BANK1: variants seen among roughly 807,000 people sequenced by gnomAD.
BANK1 encodes the protein B-cell scaffold protein with ankyrin repeats.
BANK1 carries 95 observed loss-of-function variants against 94.5 expected under a neutral mutation model. The ratio of observed to expected loss-of-function variants is 1.00; its 90% CI spans 0.85 to 1.19. The LOEUF (loss-of-function observed/expected upper bound fraction) is 1.19, where lower values mean the gene tolerates loss of function less well. BANK1 is among the 50% of genes most tolerant of loss of function. The pLI is 0.00. For synonymous variants in BANK1, 334 were observed against 308.4 expected, an observed-to-expected ratio of 1.08 and a Z score of -0.87; for missense variants, 987 against 932.2, an observed-to-expected ratio of 1.06 and a Z score of -0.77.
At chr4:102,051,684 C>A (rs908200764) in intron 11 of BANK1, among the ~76,000 whole-genome samples, 2 of 152,070 alleles carry the variant, frequency 1.3e-5, no homozygotes, top group Non-Finnish European at 2.9e-5. Context: ...ACCTCCTGAC[C>A]CCAGCTACCT....
chr4:102,070,985 C>T (rs779530856), intron 13 of BANK1, among the ~76,000 whole-genome samples: 11 of 152,016 alleles, frequency 7.2e-5, no homozygotes, highest in African/African-American at 2.2e-4. Context: ...CTCAAGCTAG[C>T]GGAATATCAA....
At chr4:101,946,112 A>G (rs553494700) in intron 7 of BANK1, among the ~76,000 whole-genome samples, 20 of 152,128 alleles carry the variant, frequency 1.3e-4, no homozygotes, top group African/African-American at 4.3e-4. Flanking sequence ...CAATAATCAA[A>G]CAAATGATAA....
chr4:101,823,886 A>G (rs1409386124), intron 1 of BANK1, among the ~76,000 whole-genome samples: 2 of 152,264 alleles, frequency 1.3e-5, no homozygotes, highest in Non-Finnish European at 2.9e-5. Flanking sequence ...AAGTTAAATA[A>G]TGTATATGCA....
intron 5 of BANK1, among the ~76,000 whole-genome samples, chr4:101,894,900 A>G (rs558361958): frequency 1.3e-5 from 2 of 152,108 alleles, no homozygotes; most frequent in African/African-American, 4.8e-5. Flanking sequence ...GTTGAAGAAA[A>G]AGACTGATCA....
intron 4 of BANK1, among the ~76,000 whole-genome samples, chr4:101,867,744 A>G (rs1728129054): frequency 6.8e-6 from 1 of 147,768 alleles, no homozygotes; most frequent in Admixed American, 6.7e-5. Context: ...TAAAACTTAA[A>G]GTATAATTAA....
At chr4:101,834,377 G>T (rs1455086467) in intron 2 of BANK1, among the ~76,000 whole-genome samples, 1 of 152,132 alleles carries the variant, frequency 6.6e-6, no homozygotes, top group African/African-American at 2.4e-5. Flanking sequence ...TTGGAAAAGG[G>T]TGTTCAAATA....
chr4:101,798,974 CAT>C (rs1725256641), intron 1 of BANK1, among the ~76,000 whole-genome samples: 1 of 152,186 alleles, frequency 6.6e-6, no homozygotes, highest in Non-Finnish European at 1.5e-5. Flanking sequence ...AATTAGATCC[CAT>C]TTGTCAATTT....
chr4:101,790,852 G>T lies in BANK1; in HGVS notation c.-29G>T, dbSNP rs775340980. The T allele has an allele frequency of 3.3e-5, 51 of 1,535,070 alleles. No individual in the cohort carries two copies. The highest frequency in any genetic ancestry group is 3.8e-4 in the Middle Eastern group (2 of 5,308). The stretch of plus-strand genomic sequence containing the variant: ...CAGGTAGCGCTCGGCGGGCAGCAGT[G>T]CGCAGGCCCCTCGGCTTCAACCGCC... On this transcript the variant is annotated 5_prime_UTR_variant, in exon 1 of 17. Transcript: ENST00000322953.
At chr4:101,961,411 G>A (rs1267742622) in intron 7 of BANK1, among the ~76,000 whole-genome samples, 2 of 152,118 alleles carry the variant, frequency 1.3e-5, no homozygotes, top group East Asian at 1.9e-4. Flanking sequence ...CACATGAAGG[G>A]CCACTGGCAC....
intron 6 of BANK1, among the ~76,000 whole-genome samples, chr4:101,905,281 G>C (rs1405288431): frequency 6.6e-6 from 1 of 152,212 alleles, no homozygotes; most frequent in Admixed American, 6.5e-5. Context: ...TTTTGCGGGG[G>C]TTCCCCAGGC....
chr4:101,968,153 C>T (rs1724826761), intron 7 of BANK1, among the ~76,000 whole-genome samples: 1 of 151,946 alleles, frequency 6.6e-6, no homozygotes, highest in Admixed American at 6.6e-5. Context: ...GAGGGCGGGG[C>T]ATTAGTTACT....
At chr4:102,055,812 A>G (rs1446600740) in intron 11 of BANK1, among the ~76,000 whole-genome samples, 1 of 152,154 alleles carries the variant, frequency 6.6e-6, no homozygotes. Context: ...TCTTTCTATA[A>G]TAACTTATAC....
At chr4:101,904,797 C>T (rs1467044638) in intron 6 of BANK1, among the ~76,000 whole-genome samples, 1 of 152,174 alleles carries the variant, frequency 6.6e-6, no homozygotes, top group African/African-American at 2.4e-5. Context: ...AATATAACTA[C>T]TTTGATATAC....
intron 7 of BANK1, among the ~76,000 whole-genome samples, chr4:101,973,763 A>G (rs1323899137): frequency 6.6e-6 from 1 of 152,092 alleles, no homozygotes; most frequent in African/African-American, 2.4e-5. Flanking sequence ...ATAAATGGAA[A>G]CAAAAGTAAT....
At position 101,949,124 on chromosome 4, in the gene BANK1, G is replaced by A. The variant is rs531773364; in HGVS notation, c.1206+30935G>A. Among the ~76,000 whole-genome samples the A allele has an allele frequency of 6.6e-5, 10 of 151,950 alleles. 1 individual carries two copies. The highest frequency in any genetic ancestry group is 6.6e-4 in the Admixed American group (10 of 15,240). On this transcript the variant is annotated intron_variant, in intron 7 of 16. Transcript: ENST00000322953. ...GTCAGCTGGGATCTGGCTTGTTTAG[G>A]ATGGTTTCAAGATGACCCTAGGATG...
chr4:102,025,577 T>C lies in BANK1; in HGVS notation c.1594+68T>C, dbSNP rs987511588. 3.5e-6 allele frequency: 5 copies of C among 1,441,920 alleles called. No homozygotes were observed. In the African/African-American group the frequency reaches 7.0e-5, roughly 20 times the overall value. The allele number at this position is 1,441,920 out of a possible 1,614,324, so 89.3% of individuals were successfully genotyped here. A position where few individuals can be genotyped will look rare whatever the true frequency, so the allele number is the denominator to read the frequency against. On this transcript the variant is annotated intron_variant, in intron 9 of 16. Transcript: ENST00000322953. ...ATCTTTGACAGGCTTACATAGCAAA[T>C]AGTGCAGTGGCAAATCTATACAGAG...
At chr4:101,841,113 A>G (rs1456183125) in intron 2 of BANK1, among the ~76,000 whole-genome samples, 1 of 152,192 alleles carries the variant, frequency 6.6e-6, no homozygotes. Flanking sequence ...GTCATGAGCC[A>G]CCGTGCCCAG....
At chr4:102,051,146 A>T (rs1490438296) in intron 11 of BANK1, among the ~76,000 whole-genome samples, 3 of 152,200 alleles carry the variant, frequency 2.0e-5, no homozygotes. Flanking sequence ...GAAATGGGGA[A>T]GATATTACCC....
chr4:101,830,003 TG>T lies in BANK1; in HGVS notation c.267del (p.Arg91GlufsTer3). On this transcript the variant is annotated frameshift_variant, in exon 2 of 17. Coordinates refer to ENST00000322953, the MANE Select transcript of BANK1 (RefSeq NM_017935.5). LOFTEE classifies it high-confidence loss of function. ...KCKLLILSNS[L>X]LRDLTPKKCQ... ...AAACTTTTGATATTATCAAATAGCC[TG>T]CTTAGAGACCTAACTCCAAAGAAAT... 6.2e-7 allele frequency: 1 copy of T among 1,613,176 alleles called. No homozygotes were observed. The highest frequency in any genetic ancestry group is 8.5e-7 in the Non-Finnish European group (1 of 1,179,690).
Sources: gnomAD v4.1 joint callset for allele counts (sites outside exome capture counted in the v4.1 genomes callset) on GRCh38, gnomAD v4.1.1 for gene constraint, MANE v1.5 for transcripts, NCBI Gene and HGNC (gene_info 2026-07-23, HGNC 2026-07-21) for gene names.